ABL2: variants seen among roughly 807,000 people sequenced by gnomAD.
The protein encoded by ABL2 is ABL proto-oncogene 2, non-receptor tyrosine kinase, also known as tyrosine-protein kinase ABL2.
A neutral mutation model predicts 107.7 loss-of-function variants in ABL2; 49 were observed. The ratio of observed to expected loss-of-function variants is 0.45; its 90% CI spans 0.36 to 0.58. The LOEUF (loss-of-function observed/expected upper bound fraction) is 0.58, where lower values mean the gene tolerates loss of function less well. Ranked by LOEUF, ABL2 falls within the 20% of genes least tolerant of loss-of-function variation. The pLI is 0.00. For missense variants in ABL2, 1,245 were observed against 1,457.0 expected (o/e 0.85, Z 2.37); for synonymous variants, 549 against 548.6 (o/e 1.00, Z -0.01).
chr1:179,130,504 G>A (rs1401301968), intron 3 of ABL2, among the ~76,000 whole-genome samples: 1 of 152,160 alleles, frequency 6.6e-6, no homozygotes, highest in African/African-American at 2.4e-5. Context: ...TCTGGCATAA[G>A]CATCTTACCT....
intron 2 of ABL2, among the ~76,000 whole-genome samples, chr1:179,131,781 C>T (rs1656355947): frequency 6.6e-6 from 1 of 152,050 alleles, no homozygotes; most frequent in African/African-American, 2.4e-5. Flanking sequence ...GCAGTTTTCT[C>T]AAAATGGAAA....
At position 179,101,992 on chromosome 1, in the gene ABL2, A is replaced by ATTTTTTT. The variant is rs1557895974; in HGVS notation, c.*5725_*5726insAAAAAAA. Reference sequence around the variant, plus strand: ...AAAAAAAAGCAAGCTTTGCATTAGAATTTCTTTTTTTTTTTTTTTTTTTTT... The same window carrying ATTTTTTT: ...AAAAAAAAGCAAGCTTTGCATTAGAATTTTTTTTTTCTTTTTTTTTTTTTTTTTTTTT... On this transcript the variant is annotated 3_prime_UTR_variant, in exon 12 of 12. Transcript: ENST00000502732. 6 of 100,296 alleles carry ATTTTTTT rather than the reference A, an allele frequency of 6.0e-5. No individual in the cohort carries two copies. Among genetic ancestry groups the ATTTTTTT allele is most frequent in the African/African-American group, 2.0e-4 (5 of 24,712 alleles). The allele number at this position is 100,296 out of a possible 1,614,324, so 6.2% of individuals were successfully genotyped here.
In ABL2 at chr1:179,102,581, G is replaced by A. The variant is rs949873867; in HGVS notation, c.*5137C>T. On this transcript the variant is annotated 3_prime_UTR_variant, in exon 12 of 12. Transcript: ENST00000502732. ...TAGCAGATCCTTAGGGCACAGAGAT[G>A]AACCCCAAATCCAGGTGGAACAATT... The A allele has an allele frequency of 4.4e-6, 1 of 227,806 alleles. No individual in the cohort carries two copies. The highest frequency in any genetic ancestry group is 8.7e-6 in the Non-Finnish European group (1 of 114,680). 14.1% of individuals were successfully genotyped at this position (227,806 alleles called of 1,614,324 possible).
intron 1 of ABL2, among the ~76,000 whole-genome samples, chr1:179,221,405 A>T (rs1662856759): frequency 6.6e-6 from 1 of 152,206 alleles, no homozygotes; most frequent in Non-Finnish European, 1.5e-5. Context: ...AGCCAGGCCA[A>T]TATGGTGAAA....
chr1:179,145,919 G>C (rs143838641), intron 1 of ABL2, among the ~76,000 whole-genome samples: 2,249 of 148,906 alleles, frequency 0.015, 56 homozygotes, highest in African/African-American at 0.052. Context: ...TTTGAGACAG[G>C]GTCTTGCTCT....
intron 1 of ABL2, among the ~76,000 whole-genome samples, chr1:179,170,468 G>A (rs1659653641): frequency 1.3e-5 from 2 of 151,946 alleles, no homozygotes; most frequent in Non-Finnish European, 2.9e-5. Context: ...CCAGGCTGGA[G>A]TGCAGTAGCG....
At chr1:179,215,132 C>T (rs1662489833) in intron 1 of ABL2, among the ~76,000 whole-genome samples, 1 of 151,704 alleles carries the variant, frequency 6.6e-6, no homozygotes, top group South Asian at 2.1e-4. Context: ...TGCACTCCAG[C>T]CTAGGCAACA....
In ABL2 at chr1:179,104,500, T is replaced by C. The variant is rs1225382748; in HGVS notation, c.*3218A>G. The C allele has an allele frequency of 4.7e-6, 1 of 211,412 alleles. No individual in the cohort carries two copies. The highest frequency in any genetic ancestry group is 9.6e-6 in the Non-Finnish European group (1 of 104,238). The allele number at this position is 211,412 out of a possible 1,614,324, so 13.1% of individuals were successfully genotyped here. On this transcript the variant is annotated 3_prime_UTR_variant, in exon 12 of 12. Transcript: ENST00000502732. ...CTTAAAATGCTGCTGGTAAAGGGTC[T>C]CCACTATAATGACCTCTATGTACAG...
At chr1:179,134,412 T>C (rs1430550379) in intron 1 of ABL2, among the ~76,000 whole-genome samples, 2 of 151,772 alleles carry the variant, frequency 1.3e-5, no homozygotes, top group Admixed American at 6.6e-5. Context: ...GGCGAGGAGA[T>C]GGACTCGGCC....
chr1:179,191,583 G>C (rs1661019207), intron 1 of ABL2, among the ~76,000 whole-genome samples: 1 of 151,898 alleles, frequency 6.6e-6, no homozygotes, highest in Non-Finnish European at 1.5e-5. Context: ...ACCATACCCA[G>C]CTAATTTTTT....
intron 1 of ABL2, among the ~76,000 whole-genome samples, chr1:179,206,552 C>T (rs1173693596): frequency 6.8e-6 from 1 of 146,700 alleles, no homozygotes; most frequent in Admixed American, 6.8e-5. Context: ...AAAGAATGTC[C>T]AACATAAGCT....
intron 1 of ABL2, among the ~76,000 whole-genome samples, chr1:179,188,275 C>T (rs1449155045): frequency 3.3e-5 from 5 of 152,180 alleles, no homozygotes; most frequent in Admixed American, 6.5e-5. Context: ...GGCGTGGTGA[C>T]GCAGGCCTGT....
chr1:179,133,707 C>T (rs1656577095), intron 1 of ABL2, among the ~76,000 whole-genome samples: 1 of 152,142 alleles, frequency 6.6e-6, no homozygotes, highest in South Asian at 2.1e-4. Context: ...TGTTCCAAGA[C>T]CCCCAGTGGA....
At chr1:179,228,073 G>C (rs539720424) in intron 1 of ABL2, among the ~76,000 whole-genome samples, 25 of 101,998 alleles carry the variant, frequency 2.5e-4, no homozygotes, top group African/African-American at 9.3e-4. Flanking sequence ...AAAAAAAAAA[G>C]AGTTTGGGCC....
intron 1 of ABL2, among the ~76,000 whole-genome samples, chr1:179,198,710 A>C (rs927766322): frequency 2.9e-4 from 44 of 150,910 alleles, no homozygotes; most frequent in Admixed American, 7.3e-4. Flanking sequence ...AAAAAAAAAA[A>C]AAAAAACAAA....
intron 1 of ABL2, 64 bp from the exon 2 acceptor site, chr1:179,133,438 C>G: frequency 6.2e-7 from 1 of 1,612,838 alleles, no homozygotes; most frequent in Non-Finnish European, 8.5e-7. Flanking sequence ...TAACATCAAG[C>G]TAAAGTCTCC....
intron 1 of ABL2, among the ~76,000 whole-genome samples, chr1:179,149,910 T>C (rs1227503486): frequency 1.3e-5 from 2 of 152,178 alleles, no homozygotes; most frequent in African/African-American, 2.4e-5. Flanking sequence ...CATAAATCAA[T>C]GAGTAATTTC....
intron 1 of ABL2, among the ~76,000 whole-genome samples, chr1:179,168,521 T>C (rs1226989112): frequency 4.6e-5 from 7 of 152,230 alleles, no homozygotes; most frequent in South Asian, 2.1e-4. Flanking sequence ...ACAAAAATGA[T>C]AGAATTAGCA....
chr1:179,121,058 C>T (rs952575024), intron 5 of ABL2, among the ~76,000 whole-genome samples: 15 of 152,142 alleles, frequency 9.9e-5, no homozygotes, highest in African/African-American at 3.4e-4. Flanking sequence ...AAGTGATACA[C>T]CAGAGACAGT....
Sources: allele counts gnomAD v4.1 joint callset (sites outside exome capture counted in the v4.1 genomes callset), GRCh38; gene constraint gnomAD v4.1.1; transcripts MANE v1.5; gene names NCBI Gene and HGNC (gene_info 2026-07-23, HGNC 2026-07-21).